MTHFD1: variants seen among roughly 807,000 people sequenced by gnomAD.
MTHFD1 encodes the protein C-1-tetrahydrofolate synthase, cytoplasmic.
In MTHFD1, 44 loss-of-function variants were observed where a neutral mutation model predicts 110.3. The observed-to-expected ratio is 0.40, with a 90% CI of 0.31 to 0.51. The LOEUF is 0.51. Ranked by LOEUF, MTHFD1 falls within the 20% of genes least tolerant of loss-of-function variation. MTHFD1 has a pLI of 0.60. For synonymous variants in MTHFD1, 402 were observed against 428.8 expected, an observed-to-expected ratio of 0.94 and a Z score of 0.77; for missense variants, 909 against 1,173.1, an observed-to-expected ratio of 0.77 and a Z score of 3.29.
intron 24 of MTHFD1, among the ~76,000 whole-genome samples, chr14:64,451,894 T>C (rs1596562456): frequency 6.6e-6 from 1 of 152,256 alleles, no homozygotes; most frequent in South Asian, 2.1e-4. Context: ...AAAGTCCTTA[T>C]TGAATGTTCA....
In MTHFD1 at chr14:64,424,936, T is replaced by C. The variant is rs766350049; in HGVS notation, c.855+5T>C. 3 of 1,614,186 alleles carry C rather than the reference T, an allele frequency of 1.9e-6. No individual in the cohort carries two copies. The highest frequency in any genetic ancestry group is 1.7e-6 in the Non-Finnish European group (2 of 1,180,032). ...ACAGTTGCAATGCTCATGCAGGTAATTGTGAATAAAAGTTTCTATAAGAGT... is the reference window on the plus strand; with the variant it reads ...ACAGTTGCAATGCTCATGCAGGTAACTGTGAATAAAAGTTTCTATAAGAGT... On this transcript the variant is annotated splice_donor_5th_base_variant and intron_variant, in intron 9 of 27. Coordinates refer to ENST00000652337, the MANE Select transcript of MTHFD1 (RefSeq NM_005956.4).
chr14:64,394,317 G>GGGCTTGTCATT (rs2077830173), intron 1 of MTHFD1, among the ~76,000 whole-genome samples: 1 of 152,100 alleles, frequency 6.6e-6, no homozygotes, highest in Non-Finnish European at 1.5e-5. Context: ...TCCCTACCAT[G>GGGCTTGTCATT]GGCTTGTCAT....
intron 1 of MTHFD1, among the ~76,000 whole-genome samples, chr14:64,393,150 A>G (rs1300037539): frequency 2.6e-5 from 4 of 152,206 alleles, no homozygotes; most frequent in African/African-American, 9.6e-5. Context: ...CTGTAATCCT[A>G]GGACTTTGGG....
At chr14:64,437,608 C>G (rs545911303) in intron 16 of MTHFD1, among the ~76,000 whole-genome samples, 20 of 152,332 alleles carry the variant, frequency 1.3e-4, no homozygotes, top group Middle Eastern at 3.4e-3. Context: ...TAAAAGACTG[C>G]CCCACTTCAG....
At chr14:64,412,422 A>G in intron 3 of MTHFD1, 50 bp from the exon 4 acceptor site, 1 of 1,356,068 alleles carries the variant, frequency 7.4e-7, no homozygotes, top group South Asian at 1.2e-5. Flanking sequence ...AAATGGTTCA[A>G]TATCTCAAGT....
intron 7 of MTHFD1, among the ~76,000 whole-genome samples, chr14:64,419,577 G>A (rs1424583297): frequency 6.6e-6 from 1 of 152,190 alleles, no homozygotes; most frequent in African/African-American, 2.4e-5. Context: ...TCCCTATTGG[G>A]TAAAATGGCT....
intron 17 of MTHFD1, chr14:64,439,498 A>C: frequency 2.6e-6 from 1 of 378,380 alleles, no homozygotes; most frequent in Non-Finnish European, 5.0e-6. Context: ...AAGAGGTACC[A>C]TATTATTCCC....
intron 3 of MTHFD1, 88 bp downstream of exon 3, chr14:64,411,237 G>A (rs2077981150): frequency 2.0e-6 from 2 of 991,456 alleles, no homozygotes; most frequent in African/African-American, 3.2e-5. Context: ...TCCTCCCTGT[G>A]AAAACTTTTA....
chr14:64,422,421 A>G (rs551894242), intron 8 of MTHFD1, among the ~76,000 whole-genome samples: 1 of 152,334 alleles, frequency 6.6e-6, no homozygotes, highest in South Asian at 2.1e-4. Context: ...CAAATTAAGA[A>G]TGAATCAAGG....
intron 2 of MTHFD1, among the ~76,000 whole-genome samples, chr14:64,409,659 C>T (rs1011710560): frequency 1.3e-5 from 2 of 151,936 alleles, no homozygotes; most frequent in Admixed American, 1.3e-4. Flanking sequence ...TCTAGGGAAG[C>T]CCCTACGAGA....
chr14:64,407,322 G>A (rs1427079709), intron 2 of MTHFD1, among the ~76,000 whole-genome samples: 2 of 151,958 alleles, frequency 1.3e-5, no homozygotes, highest in South Asian at 2.1e-4. Context: ...AAAATTAGCT[G>A]GTTGTGGTGG....
chr14:64,426,464 CTGT>C (rs571611271), intron 11 of MTHFD1, among the ~76,000 whole-genome samples: 19 of 152,026 alleles, frequency 1.2e-4, no homozygotes, highest in South Asian at 6.2e-4. Flanking sequence ...TCACCTTTTG[CTGT>C]TGTTGTTGTT....
rs187849841 is a variant in MTHFD1, at chr14:64,430,102, A to G, written c.1265-82A>G. On this transcript the variant is annotated intron_variant, in intron 12 of 27. Coordinates refer to ENST00000652337, the MANE Select transcript of MTHFD1 (RefSeq NM_005956.4). The stretch of plus-strand genomic sequence containing the variant: ...TAAATAAATGTGCTTAGTAGTTACA[A>G]TAATGCATTTGCATTTATTTGATTT... 1.4e-3 allele frequency: 1,669 copies of G among 1,169,824 alleles called. 4 individuals are homozygous for G. The highest frequency in any genetic ancestry group is 2.1e-3 in the Admixed American group (123 of 59,464). 72.5% of individuals were successfully genotyped at this position (1,169,824 alleles called of 1,614,324 possible).
At chr14:64,432,462 T>A (rs1180785766) in intron 15 of MTHFD1, among the ~76,000 whole-genome samples, 1 of 152,212 alleles carries the variant, frequency 6.6e-6, no homozygotes, top group African/African-American at 2.4e-5. Flanking sequence ...TTCCAAAAAC[T>A]GGGAACTAAT....
At chr14:64,398,366 C>T (rs2077873322) in intron 1 of MTHFD1, among the ~76,000 whole-genome samples, 1 of 151,948 alleles carries the variant, frequency 6.6e-6, no homozygotes, top group Non-Finnish European at 1.5e-5. Flanking sequence ...GGCAACATGG[C>T]AAAATCCCAT....
At chr14:64,451,635 C>T (rs2078374023) in intron 24 of MTHFD1, among the ~76,000 whole-genome samples, 2 of 152,246 alleles carry the variant, frequency 1.3e-5, no homozygotes, top group South Asian at 4.1e-4. Flanking sequence ...GCTGGAAGCC[C>T]AGTCCTTGAA....
chr14:64,437,526 A>T (rs1431674091), intron 16 of MTHFD1, among the ~76,000 whole-genome samples: 3 of 152,182 alleles, frequency 2.0e-5, no homozygotes, highest in Admixed American at 2.0e-4. Flanking sequence ...ATATTGACTG[A>T]GTATCCTATG....
intron 11 of MTHFD1, among the ~76,000 whole-genome samples, chr14:64,426,482 T>C (rs915422553): frequency 6.6e-6 from 1 of 152,202 alleles, no homozygotes; most frequent in Admixed American, 6.5e-5. Context: ...GTTGTTGTTG[T>C]TGTTTTGAGA....
intron 22 of MTHFD1, among the ~76,000 whole-genome samples, chr14:64,445,646 TC>T (rs925102595): frequency 6.6e-5 from 10 of 152,216 alleles, no homozygotes; most frequent in African/African-American, 2.4e-4. Context: ...GTACCTTCAG[TC>T]TGCCTGTCTT....
Sources: allele counts gnomAD v4.1 joint callset (sites outside exome capture counted in the v4.1 genomes callset), GRCh38; gene constraint gnomAD v4.1.1; transcripts MANE v1.5; gene names NCBI Gene and HGNC (gene_info 2026-07-23, HGNC 2026-07-21).